Variants in USP54 observed in about 807,000 individuals in gnomAD.
USP54 encodes the protein ubiquitin carboxyl-terminal hydrolase 54.
USP54 carries 87 observed loss-of-function variants against 170.5 expected under a neutral mutation model. That is an observed-to-expected ratio of 0.51 (90% CI 0.43 to 0.61). The LOEUF is 0.61. Among genes scored for constraint, USP54 ranks in the 20% least tolerant of loss-of-function variants. The pLI, the probability that USP54 is intolerant of heterozygous loss-of-function variation, is 0.00. For synonymous variants in USP54, 655 were observed against 742.8 expected (o/e 0.88, Z 1.92); for missense variants, 1,786 against 2,047.8 (o/e 0.87, Z 2.47).
chr10:73,511,948 G>A (rs895633660), intron 20 of USP54, among the ~76,000 whole-genome samples: 2 of 151,784 alleles, frequency 1.3e-5, no homozygotes, highest in East Asian at 2.0e-4. Context: ...GTTTCACCAC[G>A]TTGGTCAGGC....
rs910962637 is a variant in USP54, at chr10:73,516,377, G to A, written c.4049C>T (p.Thr1350Ile). The A allele has an allele frequency of 1.9e-6, 3 of 1,592,902 alleles. No individual in the cohort carries two copies. The highest frequency in any genetic ancestry group is 2.6e-6 in the Non-Finnish European group (3 of 1,168,776). Residue 1350 changes from threonine (T) to isoleucine (I), a missense_variant and splice_region_variant, in exon 20 of 24, where the codon ACA becomes ATA. Transcript: ENST00000687698. Reference protein sequence around the residue: ...QDTAWHPLSQTGSADGMGRRL... With the variant: ...QDTAWHPLSQIGSADGMGRRL... ...CCAACCCCTGGTTGCATTCTTACCT[G>A]TTTGGCTAAGTGGGTGCCAGGCGGT...
chr10:73,532,703 A>G (rs2064286479), intron 12 of USP54, among the ~76,000 whole-genome samples: 1 of 152,198 alleles, frequency 6.6e-6, no homozygotes, highest in Admixed American at 6.5e-5. Flanking sequence ...ACCAATTTAC[A>G]AGAAATATAG....
upstream of USP54, among the ~76,000 whole-genome samples, chr10:73,594,112 C>G (rs1015957476): frequency 1.4e-4 from 22 of 152,016 alleles, no homozygotes; most frequent in Non-Finnish European, 2.4e-4. Flanking sequence ...GCTCTGTCAC[C>G]CAGGCTGGAG....
intron 22 of USP54, chr10:73,504,478 G>A: frequency 4.5e-6 from 1 of 224,254 alleles, no homozygotes; most frequent in East Asian, 1.1e-4. Flanking sequence ...ACATACTGGG[G>A]GTGAGAGGAA....
At chr10:73,616,561 T>C (rs1395393825) in intron 1 of USP54, among the ~76,000 whole-genome samples, 6 of 149,916 alleles carry the variant, frequency 4.0e-5, no homozygotes, top group Non-Finnish European at 8.8e-5. Flanking sequence ...ACCTAGGTGA[T>C]GAGTTAATAG....
At chr10:73,572,051 C>A (rs1265053530) in intron 3 of USP54, among the ~76,000 whole-genome samples, 1 of 152,056 alleles carries the variant, frequency 6.6e-6, no homozygotes, top group Admixed American at 6.5e-5. Flanking sequence ...AGTGGTAAAT[C>A]ATGTTATAGT....
chr10:73,509,602 G>A (rs901603526), intron 20 of USP54, among the ~76,000 whole-genome samples: 4 of 150,976 alleles, frequency 2.6e-5, no homozygotes, highest in East Asian at 1.9e-4. Context: ...GTGACAGAGC[G>A]AGACTCCGTC....
At chr10:73,589,500 A>C (rs1342312613) in intron 1 of USP54, among the ~76,000 whole-genome samples, 1 of 152,220 alleles carries the variant, frequency 6.6e-6, no homozygotes, top group Non-Finnish European at 1.5e-5. Context: ...TAACCTTCTG[A>C]TTTAATCATT....
chr10:73,569,117 GTTC>G (rs1036774006), intron 4 of USP54, among the ~76,000 whole-genome samples: 3 of 152,182 alleles, frequency 2.0e-5, no homozygotes, highest in African/African-American at 7.2e-5. Flanking sequence ...GTGTCAGACA[GTTC>G]TTCTATAGGG....
chr10:73,568,527 A>C (rs1266827835), intron 4 of USP54, among the ~76,000 whole-genome samples: 2 of 152,226 alleles, frequency 1.3e-5, no homozygotes, highest in African/African-American at 4.8e-5. Flanking sequence ...TAAAACGTGA[A>C]GTGTGTTCAA....
At chr10:73,506,759 C>T (rs1375954693) in intron 20 of USP54, 1 of 152,006 alleles carries the variant, frequency 6.6e-6, no homozygotes, top group African/African-American at 2.4e-5. Flanking sequence ...CCCAAAAAGT[C>T]TAAGAAAATA....
At position 73,503,999 on chromosome 10, in the gene USP54, A is replaced by T. The variant is rs182905585; in HGVS notation, c.4311+851T>A. On this transcript the variant is annotated intron_variant, in intron 22 of 23. Transcript: ENST00000687698. ...CCAAAGTGCTGGGATTACAGGCATG[A>T]GCCACCACGCCTGGCCTCGGCTGAT... 7.4e-4 allele frequency among the ~76,000 whole-genome samples: 112 copies of T among 152,316 alleles called. 1 individual carries two copies. The East Asian group carries it at 0.018, about 24-fold the overall frequency.
At chr10:73,566,556 C>T (rs539761102) in intron 4 of USP54, among the ~76,000 whole-genome samples, 1 of 151,820 alleles carries the variant, frequency 6.6e-6, no homozygotes, top group Admixed American at 6.6e-5. Flanking sequence ...CATGGTGAAA[C>T]CCCATCTCTA....
At chr10:73,532,039 C>G (rs2064087258) in intron 12 of USP54, among the ~76,000 whole-genome samples, 1 of 152,158 alleles carries the variant, frequency 6.6e-6, no homozygotes, top group Admixed American at 6.5e-5. Flanking sequence ...ATTCAAGTAT[C>G]ACCAGTGTAG....
chr10:73,504,840 T>C lies in USP54; in HGVS notation c.4311+10A>G, dbSNP rs752581285. 8 of 1,614,056 alleles carry C rather than the reference T, an allele frequency of 5.0e-6. No homozygotes were observed. The highest frequency in any genetic ancestry group is 5.9e-6 in the Non-Finnish European group (7 of 1,180,038). On this transcript the variant is annotated intron_variant, in intron 22 of 23. Transcript: ENST00000687698. ...GGTGCTCTGAATAGATGGACCCTGA[T>C]TCTACTTACAAAACTGTGGGAAGAA...
chr10:73,509,806 G>A (rs2059910329), intron 20 of USP54, among the ~76,000 whole-genome samples: 2 of 151,916 alleles, frequency 1.3e-5, no homozygotes, highest in African/African-American at 4.8e-5. Context: ...TCAGGAGGTA[G>A]AGACCAACCT....
intron 1 of USP54, among the ~76,000 whole-genome samples, chr10:73,590,499 A>T (rs1253576964): frequency 1.1e-4 from 16 of 151,984 alleles, no homozygotes; most frequent in African/African-American, 2.2e-4. Context: ...CCAAAAAAAA[A>T]TTTTTTTTTA....
chr10:73,587,637 T>G (rs1019955710), intron 1 of USP54, among the ~76,000 whole-genome samples: 36 of 152,142 alleles, frequency 2.4e-4, no homozygotes, highest in Non-Finnish European at 4.0e-4. Flanking sequence ...AGGTCTCAGC[T>G]CCACCATCTA....
chr10:73,587,296 AC>A (rs759633217), intron 1 of USP54, among the ~76,000 whole-genome samples: 3 of 151,842 alleles, frequency 2.0e-5, no homozygotes, highest in African/African-American at 7.3e-5. Flanking sequence ...ACACGGTGAA[AC>A]CCCGTCTCTA....
Sources: allele counts gnomAD v4.1 joint callset (sites outside exome capture counted in the v4.1 genomes callset), GRCh38; gene constraint gnomAD v4.1.1; transcripts MANE v1.5; gene names NCBI Gene and HGNC (gene_info 2026-07-23, HGNC 2026-07-21).